The following KDM5A variants were observed in gnomAD, a reference collection of about 807,000 sequenced individuals.
KDM5A encodes lysine-specific demethylase 5A.
A neutral mutation model predicts 193.5 loss-of-function variants in KDM5A; 42 were observed. The observed-to-expected ratio is 0.22, with a 90% CI of 0.17 to 0.28. The LOEUF (loss-of-function observed/expected upper bound fraction) is 0.28. Among genes scored for constraint, KDM5A ranks in the 10% least tolerant of loss-of-function variants. The pLI, the probability that KDM5A is intolerant of heterozygous loss-of-function variation, is 1.00. For synonymous variants in KDM5A, 796 were observed against 718.1 expected, an observed-to-expected ratio of 1.11 and a Z score of -1.73; for missense variants, 1,692 against 2,055.1, an observed-to-expected ratio of 0.82 and a Z score of 3.42.
chr12:286,563 T>A (rs562232108), intron 27 of KDM5A, among the ~76,000 whole-genome samples: 395 of 152,322 alleles, frequency 2.6e-3, no homozygotes, highest in African/African-American at 9.0e-3. Context: ...AGGTTGGTCA[T>A]TTCATTGGTA....
intron 4 of KDM5A, 55 bp downstream of exon 4, chr12:365,879 G>C: frequency 1.3e-6 from 2 of 1,575,054 alleles, no homozygotes; most frequent in Non-Finnish European, 1.7e-6. Context: ...TCTAAAGTTT[G>C]TACTTGGGCA....
chr12:326,082 C>T (rs926095057), intron 14 of KDM5A, among the ~76,000 whole-genome samples: 2 of 152,086 alleles, frequency 1.3e-5, no homozygotes, highest in Non-Finnish European at 2.9e-5. Flanking sequence ...CTGGCGCTTA[C>T]TAAGATGAGG....
rs187727537 is a variant in KDM5A at position 285,255 on chromosome 12, G to T, written c.*201C>A. 63 of 600,280 alleles carry T rather than the reference G, an allele frequency of 1.0e-4. No individual in the cohort carries two copies. The highest frequency in any genetic ancestry group is 1.6e-4 in the Non-Finnish European group (53 of 336,524). 37.2% of individuals were successfully genotyped at this position (600,280 alleles called of 1,614,324 possible). A position where few individuals can be genotyped will look rare whatever the true frequency, so the allele number is the denominator to read the frequency against. ...AAATATTGGCTGTTGTACCAAAGAA[G>T]ACACCCTCTGCATAGATATGTTGAT... On this transcript the variant is annotated 3_prime_UTR_variant, in exon 28 of 28. Transcript: ENST00000399788.
chr12:379,722 A>G (rs960721217), intron 3 of KDM5A, among the ~76,000 whole-genome samples: 4 of 152,230 alleles, frequency 2.6e-5, no homozygotes, highest in Admixed American at 2.6e-4. Flanking sequence ...AAACCCACAA[A>G]GACAAGATTC....
intron 8 of KDM5A, 101 bp from the exon 9 acceptor site, chr12:352,425 G>C (rs898543705): frequency 9.5e-6 from 10 of 1,054,392 alleles, no homozygotes; most frequent in Non-Finnish European, 1.3e-5. Flanking sequence ...CCTAGGTAAA[G>C]TAAATCCAGT....
chr12:346,035 A>G (rs1490212492), intron 10 of KDM5A, among the ~76,000 whole-genome samples: 1 of 152,210 alleles, frequency 6.6e-6, no homozygotes, highest in African/African-American at 2.4e-5. Flanking sequence ...CTAATAAAAA[A>G]GAAAGGAGAG....
At position 334,423 on chromosome 12, in the gene KDM5A, C is replaced by T; in HGVS notation, c.1309-1G>A. ...AATTCCAACCAGAAAGTGCATATTC[C>T]TATAAGAGAAGAAAAAACTGTAAAT... On this transcript the variant is annotated splice_acceptor_variant, in intron 10 of 27. Transcript: ENST00000399788. LOFTEE classifies it high-confidence loss of function. 1 of 1,611,962 alleles carries T rather than the reference C, an allele frequency of 6.2e-7. No individual in the cohort carries two copies. The highest frequency in any genetic ancestry group is 8.5e-7 in the Non-Finnish European group (1 of 1,178,292).
In KDM5A at chr12:322,942, TC is replaced by T. The variant is rs1943736494; in HGVS notation, c.2275+139del. 3 of 1,100,228 alleles carry T rather than the reference TC, an allele frequency of 2.7e-6. No individual in the cohort carries two copies. In the Admixed American group the frequency reaches 7.4e-5, roughly 27 times the overall value. The allele number at this position is 1,100,228 out of a possible 1,614,324, so 68.2% of individuals were successfully genotyped here. ...CTCAAATAGAAAATTAAGTCTATAT[TC>T]AATCAACCCATTAATCTCAAATCTC... On this transcript the variant is annotated intron_variant, in intron 16 of 27. Coordinates refer to ENST00000399788, the MANE Select transcript of KDM5A (RefSeq NM_001042603.3).
rs1365869637 is a variant in KDM5A at position 280,766 on chromosome 12, G to C, written c.*4690C>G. The C allele has an allele frequency of 4.3e-6, 1 of 232,928 alleles. No individual in the cohort carries two copies. Among genetic ancestry groups the C allele is most frequent in the Non-Finnish European group, 8.5e-6 (1 of 117,922 alleles). The allele number at this position is 232,928 out of a possible 1,614,324, so 14.4% of individuals were successfully genotyped here. A position where few individuals can be genotyped will look rare whatever the true frequency, so the allele number is the denominator to read the frequency against. ...TCTCAAGAACCAAAAGTGAGGAAAT[G>C]TGTTGGTCATCACTGGATTCTTGCT... On this transcript the variant is annotated 3_prime_UTR_variant, in exon 28 of 28. Transcript: ENST00000399788.
At chr12:357,463 C>A (rs1162092585) in intron 5 of KDM5A, among the ~76,000 whole-genome samples, 1 of 151,588 alleles carries the variant, frequency 6.6e-6, no homozygotes, top group Non-Finnish European at 1.5e-5. Flanking sequence ...GATTGTCCTA[C>A]CACACCCCAG....
intron 19 of KDM5A, among the ~76,000 whole-genome samples, chr12:317,383 C>A (rs1565531761): frequency 6.6e-6 from 1 of 152,176 alleles, no homozygotes; most frequent in Non-Finnish European, 1.5e-5. Context: ...CCAAGCTCAC[C>A]ATGATCTTCC....
At chr12:353,920 C>A (rs200994236) in intron 8 of KDM5A, among the ~76,000 whole-genome samples, 156 bp downstream of exon 8, 804 of 120,524 alleles carry the variant, frequency 6.7e-3, no homozygotes, top group East Asian at 7.3e-3. Context: ...GACACCATCT[C>A]AAAAAAAAAA....
At chr12:345,643 TAAC>T (rs1321946536) in intron 10 of KDM5A, among the ~76,000 whole-genome samples, 1 of 152,062 alleles carries the variant, frequency 6.6e-6, no homozygotes, top group East Asian at 1.9e-4. Flanking sequence ...CATGGAAACT[TAAC>T]AACCTGCTCC....
rs761589820 is a variant in KDM5A at position 389,076 on chromosome 12, G to A, written c.16C>T (p.Pro6Ser). The part of the protein sequence containing the change: MAGVG[P>S]GGYAAEFVPP... ...ACGAACTCCGCCGCGTAGCCCCCCG[G>A]CCCCACGCCCGCCATTGCAACGGCC... Residue 6 changes from proline (P) to serine (S), a missense_variant, in exon 1 of 28, where the codon CCG becomes TCG. By Grantham distance (74) the Pro-to-Ser change is moderately conservative (BLOSUM62 -1). Around this residue, in one of 11 missense-constraint regions of KDM5A, gnomAD observed 84 missense variants for 68.2 expected, o/e 1.23. Coordinates refer to ENST00000399788, the MANE Select transcript of KDM5A (RefSeq NM_001042603.3). 3 of 1,241,986 alleles carry A rather than the reference G, an allele frequency of 2.4e-6. No homozygotes were observed. The highest frequency in any genetic ancestry group is 3.7e-5 in the Admixed American group (2 of 54,512). The allele number at this position is 1,241,986 out of a possible 1,614,324, so 76.9% of individuals were successfully genotyped here.
At chr12:339,607 G>A (rs1213693829) in intron 10 of KDM5A, among the ~76,000 whole-genome samples, 2 of 152,230 alleles carry the variant, frequency 1.3e-5, no homozygotes, top group Middle Eastern at 3.4e-3. Context: ...TTTAAACTTA[G>A]GACATTTAGC....
At chr12:362,411 T>C (rs1393315665) in intron 5 of KDM5A, among the ~76,000 whole-genome samples, 1 of 152,184 alleles carries the variant, frequency 6.6e-6, no homozygotes, top group East Asian at 1.9e-4. Context: ...TTAGGTTACA[T>C]GAACACTACA....
In KDM5A at chr12:318,215, C is replaced by T. The variant is rs1345113398; in HGVS notation, c.2788G>A (p.Val930Ile). 1.2e-6 allele frequency: 2 copies of T among 1,614,136 alleles called. No homozygotes were observed. The highest frequency in any genetic ancestry group is 1.7e-6 in the Non-Finnish European group (2 of 1,180,006). ...ACAGCATGGTGGGGTGCCAACCCTACCCCAGAGTCTATCAGCTTCTTCATG... is the reference window on the plus strand; with the variant it reads ...ACAGCATGGTGGGGTGCCAACCCTATCCCAGAGTCTATCAGCTTCTTCATG... ...DVMKKLIDSGVGLAPHHAVEK... is the reference protein window; with the variant it reads ...DVMKKLIDSGIGLAPHHAVEK... Residue 930 changes from valine to isoleucine, a missense_variant, in exon 19 of 28, where the codon GTA becomes ATA. This residue lies in a region of KDM5A where 965 missense variants were observed against 1,061.0 expected (regional missense o/e 0.91). Transcript: ENST00000399788.
intron 1 of KDM5A, among the ~76,000 whole-genome samples, chr12:388,689 A>G (rs1944680695): frequency 6.6e-6 from 1 of 152,218 alleles, no homozygotes; most frequent in East Asian, 1.9e-4. Context: ...CTGAGAGAAA[A>G]GTATCAGTTC....
rs963239331 is a variant in KDM5A, at chr12:284,861, T to C, written c.*595A>G. On this transcript the variant is annotated 3_prime_UTR_variant, in exon 28 of 28. Coordinates refer to ENST00000399788, the MANE Select transcript of KDM5A (RefSeq NM_001042603.3). ...GTGAGAGGTTCTCCTATTTGGGATG[T>C]TCTTCTAGCACAAACAAGCACAAAT... 3.0e-5 allele frequency: 7 copies of C among 234,366 alleles called. No individual in the cohort carries two copies. The highest frequency in any genetic ancestry group is 1.3e-4 in the African/African-American group (6 of 45,350). 14.5% of individuals were successfully genotyped at this position (234,366 alleles called of 1,614,324 possible).
Sources: allele counts gnomAD v4.1 joint callset (sites outside exome capture counted in the v4.1 genomes callset), GRCh38; gene constraint gnomAD v4.1.1; regional missense constraint gnomAD v4.1.1; transcripts MANE v1.5; gene names NCBI Gene and HGNC (gene_info 2026-07-23, HGNC 2026-07-21).